The following BMP7 variants were observed in gnomAD, a reference collection of about 807,000 sequenced individuals.
The protein encoded by BMP7 is bone morphogenetic protein 7.
BMP7 carries 12 observed loss-of-function variants against 41.2 expected under a neutral mutation model. That is an observed-to-expected ratio of 0.29 (90% CI 0.19 to 0.47). The LOEUF (loss-of-function observed/expected upper bound fraction) is 0.47. Ranked by LOEUF, BMP7 falls within the 20% of genes least tolerant of loss-of-function variation. The pLI is 0.99. For missense variants in BMP7, 467 were observed against 606.0 expected (o/e 0.77, Z 2.41); for synonymous variants, 248 against 250.0 (o/e 0.99, Z 0.07).
At position 57,171,255 on chromosome 20, in the gene BMP7, C is replaced by T; in HGVS notation, c.1147-147G>A. On this transcript the variant is annotated intron_variant, in intron 6 of 6. Coordinates refer to ENST00000395863, the MANE Select transcript of BMP7 (RefSeq NM_001719.3). The surrounding 1 kb of genome is among the most constrained non-coding windows in gnomAD (Gnocchi z 4.5). ...CAAGCCAAGCACTCCCTGTTCTAAG[C>T]ACTTTACATGGACAACTCAGTTCTG... is the stretch of plus-strand genomic sequence containing the variant. The T allele has an allele frequency of 8.5e-7, 1 of 1,172,376 alleles. No homozygotes were observed. The highest frequency in any genetic ancestry group is 1.3e-5 in the South Asian group (1 of 75,976). The allele number at this position is 1,172,376 out of a possible 1,614,324, so 72.6% of individuals were successfully genotyped here. A position where few individuals can be genotyped will look rare whatever the true frequency, so the allele number is the denominator to read the frequency against.
intron 1 of BMP7, among the ~76,000 whole-genome samples, chr20:57,250,887 C>T (rs1279822417): frequency 6.6e-6 from 1 of 152,208 alleles, no homozygotes; most frequent in Admixed American, 6.5e-5. Context: ...TTGCCTGTGT[C>T]CAGTCGACAC....
chr20:57,170,629 GCT>G lies in BMP7; in HGVS notation c.*328_*329del, dbSNP rs1983793692. ...CGGCTGGGTGGCCTGGCTGGTAGGC[GCT>G]CATAATTACCTCTGGAAACGAGTCC... On this transcript the variant is annotated 3_prime_UTR_variant, in exon 7 of 7. Coordinates refer to ENST00000395863, the MANE Select transcript of BMP7 (RefSeq NM_001719.3). 2.8e-6 allele frequency: 1 copy of G among 355,964 alleles called. No individual in the cohort carries two copies. The highest frequency in any genetic ancestry group is 5.4e-6 in the Non-Finnish European group (1 of 183,630). The allele number at this position is 355,964 out of a possible 1,614,324, so 22.1% of individuals were successfully genotyped here.
At chr20:57,209,241 ATATATTTT>A (rs1374622049) in intron 2 of BMP7, among the ~76,000 whole-genome samples, 82 of 76,492 alleles carry the variant, frequency 1.1e-3, no homozygotes, top group South Asian at 2.3e-3. Flanking sequence ...ACCTAGATTT[ATATATTTT>A]TATATATATA....
intron 1 of BMP7, among the ~76,000 whole-genome samples, chr20:57,256,630 G>A (rs1212344115): frequency 1.3e-5 from 2 of 152,230 alleles, no homozygotes; most frequent in African/African-American, 2.4e-5. Context: ...CACTTTGGGA[G>A]GCCAAGGCGG....
At position 57,171,028 on chromosome 20, in the gene BMP7, G is replaced by C. The variant is rs777176857; in HGVS notation, c.1227C>G (p.Phe409Leu). 7.4e-6 allele frequency: 12 copies of C among 1,614,088 alleles called. No homozygotes were observed. The highest frequency in any genetic ancestry group is 2.5e-6 in the Non-Finnish European group (3 of 1,180,044). ...TCAGGATGACGTTGGAGCTGTCATC[G>C]AAGTAGAGGACGGAGATGGCATTGA... ...TQLNAISVLY[F>L]DDSSNVILKK... The change falls in exon 7 of 7, where the codon TTC becomes TTG. Residue 409 changes from phenylalanine to leucine, a missense_variant. Phe to Leu is a conservative substitution (Grantham distance 22). Transcript: ENST00000395863. This position sits in a 1 kb window ranked among gnomAD's most constrained non-coding sequence, Gnocchi z 4.5.
intron 2 of BMP7, among the ~76,000 whole-genome samples, chr20:57,209,127 C>T (rs1054091686): frequency 2.0e-5 from 3 of 151,924 alleles, no homozygotes; most frequent in Non-Finnish European, 4.4e-5. Context: ...CGAGACCAGC[C>T]TGACCAACAT....
chr20:57,245,852 A>G (rs1185706286), intron 1 of BMP7, among the ~76,000 whole-genome samples: 1 of 151,842 alleles, frequency 6.6e-6, no homozygotes, highest in Non-Finnish European at 1.5e-5. Context: ...GTTAGCCAGG[A>G]TGGTCTCGAT....
At chr20:57,181,517 GA>G (rs1984079273) in intron 4 of BMP7, among the ~76,000 whole-genome samples, 3 of 150,052 alleles carry the variant, frequency 2.0e-5, no homozygotes, top group Admixed American at 1.3e-4. Flanking sequence ...AAAAAGAAAA[GA>G]AAAAAGAAAA....
At chr20:57,251,001 C>T (rs910271551) in intron 1 of BMP7, among the ~76,000 whole-genome samples, 14 of 152,230 alleles carry the variant, frequency 9.2e-5, no homozygotes, top group African/African-American at 3.4e-4. Flanking sequence ...GTGCCCACTG[C>T]CTGCTCTGGA....
At chr20:57,220,672 G>A (rs999700674) in intron 2 of BMP7, among the ~76,000 whole-genome samples, 25 of 152,218 alleles carry the variant, frequency 1.6e-4, no homozygotes, top group Non-Finnish European at 3.2e-4. Flanking sequence ...AACAAGAACC[G>A]ACCTACCCTT....
intron 2 of BMP7, among the ~76,000 whole-genome samples, chr20:57,217,639 GGTGACT>G (rs1985064576): frequency 6.6e-6 from 1 of 152,160 alleles, no homozygotes; most frequent in African/African-American, 2.4e-5. Flanking sequence ...CCAAACGCTG[GGTGACT>G]GTCACTTTCA....
At chr20:57,190,668 C>T (rs1464312924) in intron 3 of BMP7, among the ~76,000 whole-genome samples, 11 of 152,144 alleles carry the variant, frequency 7.2e-5, no homozygotes, top group Non-Finnish European at 1.6e-4. Context: ...GGTCCAGAAG[C>T]GCGTCCGCTC....
intron 5 of BMP7, 96 bp from the exon 6 acceptor site, chr20:57,173,406 C>T (rs1002945655): frequency 5.7e-6 from 7 of 1,222,162 alleles, no homozygotes; most frequent in East Asian, 2.5e-5. Context: ...GCCAGGCTCA[C>T]GACCCAAGGT....
chr20:57,193,400 T>C (rs893456279), intron 3 of BMP7, among the ~76,000 whole-genome samples: 1 of 152,098 alleles, frequency 6.6e-6, no homozygotes, highest in Non-Finnish European at 1.5e-5. Flanking sequence ...CTACGATGCA[T>C]AGGACGGCCC....
rs1202209241 is a variant in BMP7, at chr20:57,174,870, T to C, written c.1035+61A>G. On this transcript the variant is annotated intron_variant, in intron 5 of 6. Coordinates refer to ENST00000395863, the MANE Select transcript of BMP7 (RefSeq NM_001719.3). This position sits in a 1 kb window ranked among gnomAD's most constrained non-coding sequence, Gnocchi z 4.3. ...GAAACAAGACTGAGCACAGACCCGC[T>C]GCCTCGTGGGAGCCCACGCCAGAGG... The C allele has an allele frequency of 3.3e-6, 5 of 1,535,880 alleles. No homozygotes were observed. In the African/African-American group the frequency reaches 6.9e-5, roughly 21 times the overall value.
chr20:57,213,651 C>A lies in BMP7; in HGVS notation c.612-11028G>T, dbSNP rs1234419600. 1.3e-5 allele frequency among the ~76,000 whole-genome samples: 2 copies of A among 152,246 alleles called. No individual in the cohort carries two copies. Among genetic ancestry groups the A allele is most frequent in the Non-Finnish European group, 1.5e-5 (1 of 68,030 alleles). On this transcript the variant is annotated intron_variant, in intron 2 of 6. Coordinates refer to ENST00000395863, the MANE Select transcript of BMP7 (RefSeq NM_001719.3). The surrounding 1 kb of genome is among the most constrained non-coding windows in gnomAD (Gnocchi z 4.4). ...GGCTCTCCCTCATTAGAGACACAGCCACCAGCAGAGACAATCAGGGGGTGA... is the reference window on the plus strand; with the variant it reads ...GGCTCTCCCTCATTAGAGACACAGCAACCAGCAGAGACAATCAGGGGGTGA...
rs371842049 is a variant in BMP7, at chr20:57,225,896, GGCAGGGACTCGT to G, written c.611+2321_611+2332del. On this transcript the variant is annotated intron_variant, in intron 2 of 6. Coordinates refer to ENST00000395863, the MANE Select transcript of BMP7 (RefSeq NM_001719.3). ...TCTGCTGGAACGTGAGCTTCCAGAG[GGCAGGGACTCGT>G]GTCTGGTTCGTTCTGGTCGATGCCC... The G allele has an allele frequency of 1.5e-3, 696 of 471,036 alleles. 6 individuals carry two copies. The highest frequency in any genetic ancestry group is 0.013 in the African/African-American group (640 of 50,010). 29.2% of individuals were successfully genotyped at this position (471,036 alleles called of 1,614,324 possible). A position where few individuals can be genotyped will look rare whatever the true frequency, so the allele number is the denominator to read the frequency against.
At chr20:57,195,334 T>C (rs1984467150) in intron 3 of BMP7, among the ~76,000 whole-genome samples, 1 of 152,180 alleles carries the variant, frequency 6.6e-6, no homozygotes, top group Non-Finnish European at 1.5e-5. Flanking sequence ...TTCTCATTAA[T>C]TGTGAAAAAC....
At chr20:57,219,754 G>C (rs138360859) in intron 2 of BMP7, among the ~76,000 whole-genome samples, 3 of 152,132 alleles carry the variant, frequency 2.0e-5, no homozygotes, top group African/African-American at 7.2e-5. Context: ...GTCACCCTTC[G>C]GGGTGCTCTG....
Sources: gnomAD v4.1 joint callset for allele counts (sites outside exome capture counted in the v4.1 genomes callset) on GRCh38, gnomAD v4.1.1 for gene constraint, Gnocchi (gnomAD v3.1) non-coding constraint, MANE v1.5 for transcripts, NCBI Gene and HGNC (gene_info 2026-07-23, HGNC 2026-07-21) for gene names.